Variants in PTPRR observed in about 807,000 individuals in gnomAD.
PTPRR encodes receptor-type tyrosine-protein phosphatase R.
In PTPRR, 38 loss-of-function variants were observed where a neutral mutation model predicts 77.2. The ratio of observed to expected loss-of-function variants is 0.49; its 90% confidence interval spans 0.38 to 0.65. The LOEUF is 0.65. Among genes scored for constraint, PTPRR ranks in the 30% least tolerant of loss-of-function variants. The pLI is 0.00. For synonymous variants in PTPRR, 299 were observed against 283.1 expected (o/e 1.06, Z -0.57); for missense variants, 744 against 799.2 (o/e 0.93, Z 0.83).
At chr12:70,865,072 CA>C (rs1892819742) in intron 2 of PTPRR, among the ~76,000 whole-genome samples, 2 of 152,228 alleles carry the variant, frequency 1.3e-5, no homozygotes, top group African/African-American at 4.8e-5. Context: ...CTTGGCCTCC[CA>C]AAGTGCTGGG....
At chr12:70,759,813 A>G (rs1279001363) in intron 4 of PTPRR, among the ~76,000 whole-genome samples, 1 of 152,124 alleles carries the variant, frequency 6.6e-6, no homozygotes, top group East Asian at 1.9e-4. Flanking sequence ...AATGTAAACT[A>G]GGAAAGTGTT....
intron 6 of PTPRR, among the ~76,000 whole-genome samples, chr12:70,718,248 T>C (rs530638882): frequency 6.6e-5 from 10 of 152,078 alleles, no homozygotes; most frequent in Middle Eastern, 3.4e-3. Flanking sequence ...AGATTTAAAA[T>C]AAATACCTCA....
chr12:70,797,814 C>G (rs1891543148), intron 2 of PTPRR, among the ~76,000 whole-genome samples: 1 of 152,106 alleles, frequency 6.6e-6, no homozygotes. Context: ...TTCACTGGCT[C>G]CTCTTCTTCT....
intron 4 of PTPRR, among the ~76,000 whole-genome samples, chr12:70,759,290 T>C (rs1422480657): frequency 2.0e-5 from 3 of 152,090 alleles, no homozygotes; most frequent in Admixed American, 1.3e-4. Flanking sequence ...AGGCACTAAA[T>C]GAAGGCAATG....
At chr12:70,815,040 G>T (rs1891876074) in intron 2 of PTPRR, among the ~76,000 whole-genome samples, 1 of 150,594 alleles carries the variant, frequency 6.6e-6, no homozygotes, top group Admixed American at 6.6e-5. Flanking sequence ...GATAGAATTT[G>T]TAGATAAGGG....
chr12:70,858,783 T>C (rs999975428), intron 2 of PTPRR, among the ~76,000 whole-genome samples: 4 of 152,098 alleles, frequency 2.6e-5, no homozygotes. Flanking sequence ...TCAATGTTGC[T>C]GGAGAGAATA....
intron 2 of PTPRR, among the ~76,000 whole-genome samples, chr12:70,800,069 T>C (rs1891586335): frequency 6.6e-6 from 1 of 152,180 alleles, no homozygotes. Flanking sequence ...GCAACCAATG[T>C]TGGAAGGCAC....
intron 2 of PTPRR, among the ~76,000 whole-genome samples, chr12:70,783,235 C>T (rs900159871): frequency 2.0e-5 from 3 of 152,140 alleles, no homozygotes; most frequent in African/African-American, 7.2e-5. Flanking sequence ...GATAGCTCTT[C>T]TCTGTAGGCT....
chr12:70,803,904 C>T (rs1891661077), intron 2 of PTPRR, among the ~76,000 whole-genome samples: 2 of 152,042 alleles, frequency 1.3e-5, no homozygotes, highest in Non-Finnish European at 2.9e-5. Context: ...GTGTAACATG[C>T]ATGTGCAGGT....
intron 6 of PTPRR, among the ~76,000 whole-genome samples, chr12:70,728,067 T>A (rs543690785): frequency 2.6e-5 from 4 of 151,854 alleles, no homozygotes; most frequent in African/African-American, 9.7e-5. Context: ...AAGTACTGAT[T>A]TATCAAAATG....
At chr12:70,800,711 A>G (rs921375496) in intron 2 of PTPRR, among the ~76,000 whole-genome samples, 5 of 152,078 alleles carry the variant, frequency 3.3e-5, no homozygotes, top group South Asian at 2.1e-4. Flanking sequence ...TCTGGCCAAC[A>G]TGGTGAAACC....
intron 10 of PTPRR, 119 bp downstream of exon 10, chr12:70,684,008 C>T: frequency 1.8e-6 from 2 of 1,089,824 alleles, no homozygotes. Flanking sequence ...AGTGACTTAG[C>T]CTTTAAATGT....
intron 1 of PTPRR, among the ~76,000 whole-genome samples, chr12:70,897,364 C>T (rs1188509202): frequency 6.6e-6 from 1 of 151,928 alleles, no homozygotes; most frequent in Non-Finnish European, 1.5e-5. Flanking sequence ...AGACACTTCT[C>T]AAAAGAAGAC....
intron 7 of PTPRR, among the ~76,000 whole-genome samples, chr12:70,700,631 C>T (rs767944947): frequency 6.6e-5 from 10 of 152,130 alleles, no homozygotes; most frequent in Admixed American, 3.3e-4. Context: ...AGGCCACCAA[C>T]GCAGTTCCAC....
chr12:70,763,958 T>G (rs1245442556), intron 3 of PTPRR, among the ~76,000 whole-genome samples: 1 of 151,910 alleles, frequency 6.6e-6, no homozygotes, highest in East Asian at 1.9e-4. Context: ...ATGTGGGTGA[T>G]TGACATATAG....
intron 6 of PTPRR, among the ~76,000 whole-genome samples, chr12:70,704,764 T>G (rs923263293): frequency 6.6e-6 from 1 of 151,936 alleles, no homozygotes; most frequent in African/African-American, 2.4e-5. Flanking sequence ...ATAAAAAAAT[T>G]GACAGAATTT....
intron 10 of PTPRR, among the ~76,000 whole-genome samples, chr12:70,683,376 T>C (rs1592669530): frequency 1.3e-5 from 2 of 152,308 alleles, no homozygotes; most frequent in East Asian, 3.9e-4. Flanking sequence ...AAATACAGAA[T>C]AAGTATTCTG....
At chr12:70,661,973 T>C (rs994831516) in intron 11 of PTPRR, among the ~76,000 whole-genome samples, 2 of 152,162 alleles carry the variant, frequency 1.3e-5, no homozygotes, top group Admixed American at 6.5e-5. Flanking sequence ...TGCCCATGAG[T>C]TAAATAAGAT....
rs77481603 is a variant in PTPRR at position 70,811,429 on chromosome 12, C to T, written c.358-46651G>A. ...GTATGCATTTTTAAGAATGCTTTGG[C>T]GGTTTTCTGAGAAAAAACTGCCTGC... On this transcript the variant is annotated intron_variant, in intron 2 of 13. Transcript: ENST00000283228. 1.0e-3 allele frequency among the ~76,000 whole-genome samples: 158 copies of T among 152,222 alleles called. 2 individuals are homozygous for T. In the East Asian group the frequency reaches 0.016, roughly 16 times the overall value.
Sources: allele counts gnomAD v4.1 joint callset (sites outside exome capture counted in the v4.1 genomes callset), GRCh38; gene constraint gnomAD v4.1.1; transcripts MANE v1.5; gene names NCBI Gene and HGNC (gene_info 2026-07-23, HGNC 2026-07-21).